The following LRPPRC variants were observed in gnomAD, a reference collection of about 807,000 sequenced individuals.
LRPPRC encodes the protein leucine-rich PPR motif-containing protein, mitochondrial.
Under a neutral mutation model 180.3 loss-of-function variants are expected in LRPPRC, and 120 were observed. The observed-to-expected ratio is 0.67, with a 90% CI of 0.57 to 0.77. The LOEUF (loss-of-function observed/expected upper bound fraction) is 0.77, where lower values mean the gene tolerates loss of function less well. Ranked by LOEUF, LRPPRC falls within the 30% of genes least tolerant of loss-of-function variation. The pLI is 0.00. For synonymous variants in LRPPRC, 723 were observed against 600.0 expected, an observed-to-expected ratio of 1.21 and a Z score of -3.00; for missense variants, 2,012 against 1,657.2, an observed-to-expected ratio of 1.21 and a Z score of -3.72.
intron 25 of LRPPRC, among the ~76,000 whole-genome samples, chr2:43,930,205 C>T (rs567039727): frequency 6.6e-6 from 1 of 151,302 alleles, no homozygotes; most frequent in East Asian, 1.9e-4. Flanking sequence ...TCCGGCTGCA[C>T]CGTGATGGAA....
chr2:43,969,859 A>G (rs1673726408), intron 11 of LRPPRC, among the ~76,000 whole-genome samples: 1 of 152,064 alleles, frequency 6.6e-6, no homozygotes, highest in Non-Finnish European at 1.5e-5. Flanking sequence ...ATTTTTTTGT[A>G]GAGACAGGAT....
At chr2:43,995,321 T>C (rs1168401836) in intron 1 of LRPPRC, among the ~76,000 whole-genome samples, 2 of 152,208 alleles carry the variant, frequency 1.3e-5, no homozygotes, top group East Asian at 3.9e-4. Context: ...AAGTCATCCG[T>C]GGCTCACCCA....
chr2:43,947,475 T>C, intron 19 of LRPPRC, 105 bp from the exon 20 acceptor site: 1 of 696,382 alleles, frequency 1.4e-6, no homozygotes. Context: ...CCTTCCTAAA[T>C]GTCATAAATG....
intron 9 of LRPPRC, 76 bp downstream of exon 9, chr2:43,974,074 T>C (rs1428499230): frequency 6.3e-6 from 9 of 1,420,408 alleles, no homozygotes; most frequent in East Asian, 4.6e-5. Context: ...TCTAATCTTA[T>C]AAATGTTCCT....
Position 43,925,951 on chromosome 2 carries a change from A to G in LRPPRC, c.2747T>C (p.Ile916Thr), listed in dbSNP as rs1461575959. ...CTGAAGCCTTGCAGATCGAGCTCTA[A>G]TCCCTGGAGTCTGTAAAATAAAATA... ...EAKKIIETPG[I>T]RARSARLQWF... Residue 916 changes from isoleucine to threonine, a missense_variant, in exon 26 of 38, where the codon ATT becomes ACT. By Grantham distance (89) the Ile-to-Thr change is moderately conservative. Transcript: ENST00000260665. The G allele has an allele frequency of 6.2e-7, 1 of 1,604,160 alleles. No individual in the cohort carries two copies. The highest frequency in any genetic ancestry group is 8.5e-7 in the Non-Finnish European group (1 of 1,170,918).
Position 43,912,565 on chromosome 2 carries a change from G to T in LRPPRC, c.3149-7C>A. ...AGGAAAATATCATATGCCCCTATGA[G>T]AGAAAACAGACAAAAAAAATGAGAT... is the stretch of plus-strand genomic sequence containing the variant. On this transcript the variant is annotated splice_region_variant and splice_polypyrimidine_tract_variant and intron_variant, in intron 29 of 37. Coordinates refer to ENST00000260665, the MANE Select transcript of LRPPRC (RefSeq NM_133259.4). The T allele has an allele frequency of 6.2e-7, 1 of 1,606,448 alleles. No individual in the cohort carries two copies. Among genetic ancestry groups the T allele is most frequent in the Non-Finnish European group, 8.5e-7 (1 of 1,173,676 alleles).
intron 1 of LRPPRC, among the ~76,000 whole-genome samples, chr2:43,995,506 C>T (rs1471125273): frequency 6.6e-6 from 1 of 152,242 alleles, no homozygotes; most frequent in Non-Finnish European, 1.5e-5. Flanking sequence ...TCAAAGCCCC[C>T]CTCATCTTCG....
At chr2:43,894,771 G>T in intron 35 of LRPPRC, 142 bp from the exon 36 acceptor site, 2 of 624,882 alleles carry the variant, frequency 3.2e-6, no homozygotes, top group Admixed American at 2.7e-5. Flanking sequence ...ATTGTCCCTT[G>T]TATATTAGCA....
At chr2:43,905,917 C>A in intron 30 of LRPPRC, 137 bp from the exon 31 acceptor site, 1 of 718,140 alleles carries the variant, frequency 1.4e-6, no homozygotes, top group South Asian at 1.5e-5. Context: ...GACCTGGAGA[C>A]AGCTTTTGTG....
rs1673971097 is a variant in LRPPRC at position 43,974,690 on chromosome 2, G to C, written c.933C>G (p.Ser311Arg). 1 of 1,612,476 alleles carries C rather than the reference G, an allele frequency of 6.2e-7. No homozygotes were observed. Among genetic ancestry groups the C allele is most frequent in the African/African-American group, 1.3e-5 (1 of 74,836 alleles). ...MDRDLLQIIF[S>R]FSKAGYPQYV... is the part of the protein sequence containing the mutation. Reference sequence around the variant, plus strand: ...ACTGAGGATACCCAGCTTTACTGAAGCTAAAAATAATTTGCAGTAAATCAC... The same window carrying C: ...ACTGAGGATACCCAGCTTTACTGAACCTAAAAATAATTTGCAGTAAATCAC... Residue 311 changes from serine (S) to arginine (R), a missense_variant, in exon 8 of 38, where the codon AGC becomes AGG. Coordinates refer to ENST00000260665, the MANE Select transcript of LRPPRC (RefSeq NM_133259.4).
rs188181819 is a variant in LRPPRC at position 43,888,419 on chromosome 2, A to T, written c.*181T>A. Reference sequence around the variant, plus strand: ...CTATCGATTTTTCCCAGAGAAAAAAACTCCAAAAATGTCCAATAACCAAGT... The same window carrying T: ...CTATCGATTTTTCCCAGAGAAAAAATCTCCAAAAATGTCCAATAACCAAGT... On this transcript the variant is annotated 3_prime_UTR_variant, in exon 38 of 38. Coordinates refer to ENST00000260665, the MANE Select transcript of LRPPRC (RefSeq NM_133259.4). 1.9e-6 allele frequency: 1 copy of T among 537,976 alleles called. No individual in the cohort carries two copies. Among genetic ancestry groups the T allele is most frequent in the African/African-American group, 1.9e-5 (1 of 52,170 alleles). 33.3% of individuals were successfully genotyped at this position (537,976 alleles called of 1,614,324 possible). A position where few individuals can be genotyped will look rare whatever the true frequency, so the allele number is the denominator to read the frequency against.
At position 43,979,882 on chromosome 2, in the gene LRPPRC, T is replaced by A; in HGVS notation, c.413A>T (p.Lys138Met). The change falls in exon 3 of 38, where the codon AAG becomes ATG. Residue 138 changes from lysine (K) to methionine (M), a missense_variant. Coordinates refer to ENST00000260665, the MANE Select transcript of LRPPRC (RefSeq NM_133259.4). ...AGCAAATTCTGTTCTCTCTTCAAGC[T>A]TTAGTTCAGGCAAGAGAGAACCACA... ...RSCGSLLPEL[K>M]LEERTEFAHR... 6.2e-7 allele frequency: 1 copy of A among 1,613,170 alleles called. No individual in the cohort carries two copies. The highest frequency in any genetic ancestry group is 8.5e-7 in the Non-Finnish European group (1 of 1,179,162).
intron 3 of LRPPRC, among the ~76,000 whole-genome samples, chr2:43,978,457 T>C (rs1029113062): frequency 7.9e-5 from 12 of 152,168 alleles, no homozygotes; most frequent in African/African-American, 2.9e-4. Flanking sequence ...TTAATCTTTA[T>C]ATGGAGGAAT....
At chr2:43,965,860 C>A (rs1236731256) in intron 11 of LRPPRC, among the ~76,000 whole-genome samples, 2 of 152,028 alleles carry the variant, frequency 1.3e-5, no homozygotes, top group African/African-American at 4.8e-5. Context: ...AAGTCAAAAG[C>A]GATTAGACAG....
chr2:43,993,642 G>C (rs539780782), intron 1 of LRPPRC, among the ~76,000 whole-genome samples: 9 of 151,786 alleles, frequency 5.9e-5, no homozygotes, highest in Non-Finnish European at 1.2e-4. Flanking sequence ...CCAGGAAAAA[G>C]AGGGAACAAT....
At chr2:43,988,279 G>A (rs550013302) in intron 1 of LRPPRC, among the ~76,000 whole-genome samples, 4 of 148,964 alleles carry the variant, frequency 2.7e-5, no homozygotes, top group Middle Eastern at 3.6e-3. Context: ...GCTCATGCCT[G>A]TAATCCCAAC....
chr2:43,967,503 G>C (rs1382384676), intron 11 of LRPPRC, among the ~76,000 whole-genome samples: 1 of 152,134 alleles, frequency 6.6e-6, no homozygotes, highest in Non-Finnish European at 1.5e-5. Flanking sequence ...AAATCTAAGA[G>C]GTTTAAATGT....
Position 43,913,026 on chromosome 2 carries a change from A to G in LRPPRC, c.3149-468T>C, listed in dbSNP as rs564188415. On this transcript the variant is annotated intron_variant, in intron 29 of 37. Coordinates refer to ENST00000260665, the MANE Select transcript of LRPPRC (RefSeq NM_133259.4). ...TAAGTGGGTGGTTACAATGGTTAAC[A>G]TTTCAGCACAATAGCACTAAAGAGA... is the stretch of plus-strand genomic sequence containing the variant. Among the ~76,000 whole-genome samples the G allele has an allele frequency of 7.2e-5, 11 of 152,220 alleles. No homozygotes were observed. In the South Asian group the frequency reaches 2.3e-3, roughly 31 times the overall value.
chr2:43,949,470 A>G, intron 16 of LRPPRC, 132 bp downstream of exon 16: 1 of 722,208 alleles, frequency 1.4e-6, no homozygotes. Context: ...ATCAATATAA[A>G]GATTTATAAC....
Sources: allele counts gnomAD v4.1 joint callset (sites outside exome capture counted in the v4.1 genomes callset), GRCh38; gene constraint gnomAD v4.1.1; transcripts MANE v1.5; gene names NCBI Gene and HGNC (gene_info 2026-07-23, HGNC 2026-07-21).